MAGI2: variants seen among roughly 807,000 people sequenced by gnomAD.
MAGI2 encodes the protein membrane associated guanylate kinase, WW and PDZ domain containing 2.
MAGI2 carries 35 observed loss-of-function variants against 133.3 expected under a neutral mutation model. The ratio of observed to expected loss-of-function variants is 0.26; its 90% CI spans 0.20 to 0.35. The LOEUF is 0.35. Ranked by LOEUF, MAGI2 falls within the 10% of genes least tolerant of loss-of-function variation. The pLI is 1.00. For synonymous variants in MAGI2, 729 were observed against 710.6 expected, an observed-to-expected ratio of 1.03 and a Z score of -0.41; for missense variants, 1,636 against 1,863.4, an observed-to-expected ratio of 0.88 and a Z score of 2.25.
intron 2 of MAGI2, among the ~76,000 whole-genome samples, chr7:78,791,600 G>A (rs1412688031): frequency 6.7e-6 from 1 of 149,342 alleles, no homozygotes; most frequent in Non-Finnish European, 1.5e-5. Context: ...AGAGTGCAGT[G>A]GCATGATCTC....
At position 78,250,277 on chromosome 7, in the gene MAGI2, A is replaced by G. The variant is rs571887026; in HGVS notation, c.2047+5666T>C. Among the ~76,000 whole-genome samples, 7 of 152,244 alleles carry G rather than the reference A, an allele frequency of 4.6e-5. 1 individual carries two copies. The South Asian group carries it at 1.4e-3, about 32-fold the overall frequency. ...GGGAAATTCCAAATGTTGGGATAAT[A>G]CACAGTTTTCTAAGTAACCTATAGG... On this transcript the variant is annotated intron_variant, in intron 10 of 21. Coordinates refer to ENST00000354212, the MANE Select transcript of MAGI2 (RefSeq NM_012301.4).
chr7:79,414,437 T>A (rs1202751382), intron 1 of MAGI2: 1 of 152,142 alleles, frequency 6.6e-6, no homozygotes, highest in Non-Finnish European at 1.5e-5. Flanking sequence ...ATTTATTTAG[T>A]TCAGACTGTA....
rs533893970 is a variant in MAGI2, at chr7:79,135,987, GAA to G, written c.302-128783_302-128782del. The stretch of plus-strand genomic sequence containing the variant: ...AGAAAGAAAGAAAGAAAGAAAGAAA[GAA>G]AGAAAGAAAGAAAGAGAAAGAAAGA... On this transcript the variant is annotated intron_variant, in intron 1 of 21. Coordinates refer to ENST00000354212, the MANE Select transcript of MAGI2 (RefSeq NM_012301.4). Among the ~76,000 whole-genome samples the G allele has an allele frequency of 1.7e-3, 64 of 38,024 alleles. No individual in the cohort carries two copies. The South Asian group carries it at 0.032, about 19-fold the overall frequency. 24.9% of individuals were successfully genotyped at this position (38,024 alleles called of 152,430 possible).
chr7:79,054,242 G>A (rs1483604361), intron 1 of MAGI2, among the ~76,000 whole-genome samples: 2 of 152,026 alleles, frequency 1.3e-5, no homozygotes, highest in African/African-American at 2.4e-5. Context: ...AGTACATACA[G>A]TAAGTTAAAC....
chr7:79,221,050 G>A (rs113761772), intron 1 of MAGI2, among the ~76,000 whole-genome samples: 5,756 of 151,900 alleles, frequency 0.038, 212 homozygotes, highest in African/African-American at 0.077. Flanking sequence ...TGCACCTGAT[G>A]GTAGAAGGGT....
chr7:79,235,467 C>T (rs565224591), intron 1 of MAGI2, among the ~76,000 whole-genome samples: 1 of 152,336 alleles, frequency 6.6e-6, no homozygotes, highest in Non-Finnish European at 1.5e-5. Flanking sequence ...ATAGGACCCT[C>T]CAAGCCAGGT....
At chr7:78,879,342 A>C (rs1014946894) in intron 2 of MAGI2, among the ~76,000 whole-genome samples, 2 of 152,150 alleles carry the variant, frequency 1.3e-5, no homozygotes, top group African/African-American at 4.8e-5. Flanking sequence ...TCAATCAACA[A>C]GAATAAATTA....
chr7:79,158,871 C>T (rs989691740), intron 1 of MAGI2, among the ~76,000 whole-genome samples: 2 of 151,988 alleles, frequency 1.3e-5, no homozygotes, highest in East Asian at 3.9e-4. Flanking sequence ...TATTAAGTAT[C>T]TAGATAATTT....
intron 2 of MAGI2, among the ~76,000 whole-genome samples, chr7:78,748,850 T>C (rs1242162168): frequency 1.3e-5 from 2 of 152,194 alleles, no homozygotes; most frequent in African/African-American, 2.4e-5. Flanking sequence ...CAAAATACCT[T>C]TTCACATGGG....
At chr7:78,281,147 T>A (rs775761971) in intron 9 of MAGI2, among the ~76,000 whole-genome samples, 4 of 152,136 alleles carry the variant, frequency 2.6e-5, no homozygotes, top group Non-Finnish European at 5.9e-5. Context: ...TCCTTTTGAA[T>A]CCTGATCCAT....
chr7:78,704,778 C>CTT (rs762077849), intron 2 of MAGI2, among the ~76,000 whole-genome samples: 7 of 47,360 alleles, frequency 1.5e-4, no homozygotes, highest in South Asian at 1.2e-3. Flanking sequence ...GGCCATTATT[C>CTT]TTTTTTTTTT....
At chr7:78,507,091 A>G (rs1795155433) in intron 4 of MAGI2, among the ~76,000 whole-genome samples, 1 of 152,218 alleles carries the variant, frequency 6.6e-6, no homozygotes, top group Non-Finnish European at 1.5e-5. Context: ...TGTGTAAGAT[A>G]CTTGACAAGA....
At chr7:78,232,498 G>A (rs1428489773) in intron 10 of MAGI2, among the ~76,000 whole-genome samples, 6 of 152,168 alleles carry the variant, frequency 3.9e-5, no homozygotes, top group South Asian at 2.1e-4. Context: ...CTTAACAATC[G>A]GAGATTCGGT....
At chr7:78,035,136 G>A (rs73379616) in intron 21 of MAGI2, 19,753 of 152,946 alleles carry the variant, frequency 0.13, 1,600 homozygotes, top group African/African-American at 0.22. Context: ...CATCAGAGGT[G>A]TGTGTTAGAT....
intron 10 of MAGI2, chr7:78,252,456 T>C (rs1044079120): frequency 4.7e-4 from 62 of 132,740 alleles, no homozygotes; most frequent in Non-Finnish European, 8.6e-4. Flanking sequence ...AATGATTGGA[T>C]GTACATAAGC....
At chr7:78,147,135 T>C (rs1823379206) in intron 16 of MAGI2, among the ~76,000 whole-genome samples, 1 of 152,204 alleles carries the variant, frequency 6.6e-6, no homozygotes, top group Non-Finnish European at 1.5e-5. Context: ...CCACTAACAG[T>C]GTATACAGTA....
At chr7:79,181,164 T>G (rs147753037) in intron 1 of MAGI2, among the ~76,000 whole-genome samples, 1 of 151,810 alleles carries the variant, frequency 6.6e-6, no homozygotes, top group African/African-American at 2.4e-5. Flanking sequence ...TTCTCACAAC[T>G]CCACTAGGCA....
chr7:79,372,369 T>A (rs966487624), intron 1 of MAGI2, among the ~76,000 whole-genome samples: 19 of 152,226 alleles, frequency 1.2e-4, no homozygotes, highest in African/African-American at 4.3e-4. Context: ...AGTCTGGTAA[T>A]GGGATGAAAG....
At chr7:78,704,778 CTT>C (rs762077849) in intron 2 of MAGI2, among the ~76,000 whole-genome samples, 2 of 47,338 alleles carry the variant, frequency 4.2e-5, no homozygotes, top group Non-Finnish European at 4.9e-5. Flanking sequence ...GGCCATTATT[CTT>C]TTTTTTTTTT....
Sources: allele counts gnomAD v4.1 joint callset (sites outside exome capture counted in the v4.1 genomes callset), GRCh38; gene constraint gnomAD v4.1.1; transcripts MANE v1.5; gene names NCBI Gene and HGNC (gene_info 2026-07-23, HGNC 2026-07-21).